Variants in MACROD2 observed in about 807,000 individuals in gnomAD.
The protein encoded by MACROD2 is mono-ADP ribosylhydrolase 2.
MACROD2 carries 36 observed loss-of-function variants against 70.4 expected under a neutral mutation model. The observed-to-expected ratio is 0.51, with a 90% confidence interval of 0.39 to 0.68. The LOEUF (loss-of-function observed/expected upper bound fraction) is 0.68. Among genes scored for constraint, MACROD2 ranks in the 30% least tolerant of loss-of-function variants. MACROD2 has a pLI of 0.00. For missense variants in MACROD2, 496 were observed against 538.4 expected (o/e 0.92, Z 0.78); for synonymous variants, 172 against 178.8 (o/e 0.96, Z 0.30).
intron 4 of MACROD2, among the ~76,000 whole-genome samples, chr20:14,518,856 C>T (rs768783038): frequency 6.6e-6 from 1 of 152,050 alleles, no homozygotes. Context: ...TGAGTGAGGT[C>T]TGGATTTCAC....
At chr20:14,623,235 C>T (rs985780224) in intron 4 of MACROD2, among the ~76,000 whole-genome samples, 9 of 151,760 alleles carry the variant, frequency 5.9e-5, no homozygotes, top group African/African-American at 1.9e-4. Context: ...TATCTAGGGT[C>T]AATTCCCAAC....
intron 3 of MACROD2, among the ~76,000 whole-genome samples, chr20:14,267,831 A>T (rs577396848): frequency 1.3e-5 from 2 of 152,076 alleles, no homozygotes; most frequent in African/African-American, 4.8e-5. Context: ...GACTCTCTCC[A>T]ATAGAAGTGA....
intron 8 of MACROD2, among the ~76,000 whole-genome samples, chr20:15,811,634 CT>C (rs1052770115): frequency 3.8e-4 from 57 of 149,842 alleles, no homozygotes; most frequent in African/African-American, 1.2e-3. Flanking sequence ...TTTATTTGAT[CT>C]TTTTTTTTTC....
intron 4 of MACROD2, among the ~76,000 whole-genome samples, chr20:14,678,225 G>A (rs909839457): frequency 1.3e-5 from 2 of 152,112 alleles, no homozygotes; most frequent in Non-Finnish European, 2.9e-5. Flanking sequence ...CCTTGTGCAG[G>A]ATTTTTATGG....
At chr20:14,641,480 T>C (rs901439299) in intron 4 of MACROD2, among the ~76,000 whole-genome samples, 1 of 152,230 alleles carries the variant, frequency 6.6e-6, no homozygotes, top group Non-Finnish European at 1.5e-5. Context: ...GTTTTCAGTG[T>C]CCTTTGCCCA....
chr20:14,442,843 G>A (rs779491747), intron 3 of MACROD2, among the ~76,000 whole-genome samples: 4 of 152,062 alleles, frequency 2.6e-5, no homozygotes, highest in Non-Finnish European at 2.9e-5. Context: ...TTAGGAAGCC[G>A]AGGCGGGCAG....
chr20:14,192,087 C>A (rs2081393827), intron 3 of MACROD2, among the ~76,000 whole-genome samples: 1 of 152,150 alleles, frequency 6.6e-6, no homozygotes, highest in Admixed American at 6.5e-5. Flanking sequence ...AGGATCTAGA[C>A]ACTAGTAGGC....
intron 2 of MACROD2, among the ~76,000 whole-genome samples, chr20:14,019,643 A>G (rs1380139162): frequency 1.3e-5 from 2 of 151,872 alleles, no homozygotes; most frequent in East Asian, 3.9e-4. Flanking sequence ...TTGGTTCGGG[A>G]TGAAATATAG....
At chr20:15,104,718 C>T (rs1034572190) in intron 5 of MACROD2, among the ~76,000 whole-genome samples, 1 of 152,066 alleles carries the variant, frequency 6.6e-6, no homozygotes, top group East Asian at 1.9e-4. Flanking sequence ...CCTGCTATTA[C>T]GCTCTAATCT....
At chr20:15,169,559 C>T (rs567247595) in intron 5 of MACROD2, among the ~76,000 whole-genome samples, 1 of 152,300 alleles carries the variant, frequency 6.6e-6, no homozygotes, top group South Asian at 2.1e-4. Context: ...ATTAGCACAT[C>T]TCTGGGATGA....
chr20:14,634,165 C>G (rs1470227111), intron 4 of MACROD2, among the ~76,000 whole-genome samples: 1 of 152,214 alleles, frequency 6.6e-6, no homozygotes, highest in East Asian at 1.9e-4. Flanking sequence ...ACTCACCTTT[C>G]AAGATCCATC....
intron 3 of MACROD2, among the ~76,000 whole-genome samples, chr20:14,217,064 T>C (rs1601359891): frequency 6.6e-6 from 1 of 152,204 alleles, no homozygotes; most frequent in East Asian, 1.9e-4. Flanking sequence ...GTGGTGAGAG[T>C]GGGCATCCTT....
In MACROD2 at chr20:14,650,880, TCA is replaced by T. The variant is rs538004346; in HGVS notation, c.302-33960_302-33959del. 1.4e-3 allele frequency among the ~76,000 whole-genome samples: 206 copies of T among 152,290 alleles called. 1 individual carries two copies. The highest frequency in any genetic ancestry group is 4.5e-3 in the African/African-American group (189 of 41,566). ...ATGTCATTTGGTCTATGATAAGCAT[TCA>T]CAGTTTGAAAAACCCCAAACAGGGA... On this transcript the variant is annotated intron_variant, in intron 4 of 17. Transcript: ENST00000684519.
chr20:15,700,294 C>A (rs1033855978), intron 8 of MACROD2, among the ~76,000 whole-genome samples: 1 of 152,204 alleles, frequency 6.6e-6, no homozygotes, highest in African/African-American at 2.4e-5. Flanking sequence ...TCTGAGAGAG[C>A]AACCCAAAGG....
intron 7 of MACROD2, among the ~76,000 whole-genome samples, chr20:15,486,523 T>C (rs181804185): frequency 2.6e-5 from 4 of 152,308 alleles, no homozygotes; most frequent in South Asian, 2.1e-4. Flanking sequence ...GGTGAAGACA[T>C]TGAGGAATAG....
chr20:15,140,850 A>G (rs968591854), intron 5 of MACROD2, among the ~76,000 whole-genome samples: 1 of 152,186 alleles, frequency 6.6e-6, no homozygotes. Context: ...CTCATTAATC[A>G]TAAGTCAGTT....
chr20:14,800,108 AG>A (rs2072556511), intron 5 of MACROD2, among the ~76,000 whole-genome samples: 1 of 151,460 alleles, frequency 6.6e-6, no homozygotes, highest in African/African-American at 2.4e-5. Flanking sequence ...AGAAACTAGG[AG>A]GAAGGCACCT....
Position 14,230,684 on chromosome 20 carries a change from T to C in MACROD2, c.271+144956T>C, listed in dbSNP as rs1249050269. ...CAGGCTGGGCCTATATATATATATA[T>C]ATATATATATATATATGGGCCCAGC... On this transcript the variant is annotated intron_variant, in intron 3 of 17. Coordinates refer to ENST00000684519, the MANE Select transcript of MACROD2 (RefSeq NM_001351661.2). Among the ~76,000 whole-genome samples, 198 of 116,932 alleles carry C rather than the reference T, an allele frequency of 1.7e-3. 18 individuals are homozygous for C. The East Asian group carries it at 0.024, about 14-fold the overall frequency. 76.7% of individuals were successfully genotyped at this position (116,932 alleles called of 152,430 possible). A position where few individuals can be genotyped will look rare whatever the true frequency, so the allele number is the denominator to read the frequency against.
At chr20:15,008,997 T>G (rs2075061588) in intron 5 of MACROD2, among the ~76,000 whole-genome samples, 1 of 152,132 alleles carries the variant, frequency 6.6e-6, no homozygotes, top group Non-Finnish European at 1.5e-5. Context: ...ATTGGCTGTC[T>G]TTACTCAGAG....
Sources: allele counts gnomAD v4.1 joint callset (sites outside exome capture counted in the v4.1 genomes callset), GRCh38; gene constraint gnomAD v4.1.1; transcripts MANE v1.5; gene names NCBI Gene and HGNC (gene_info 2026-07-23, HGNC 2026-07-21).